Variants in WDR19 observed in about 807,000 individuals in gnomAD.
WDR19 encodes the protein WD repeat-containing protein 19.
A neutral mutation model predicts 180.0 loss-of-function variants in WDR19; 121 were observed. That is an observed-to-expected ratio of 0.67 (90% CI 0.58 to 0.78). WDR19 has a LOEUF of 0.78. Among genes scored for constraint, WDR19 ranks in the 30% least tolerant of loss-of-function variants. WDR19 has a pLI of 0.00. For synonymous variants in WDR19, 497 were observed against 540.7 expected (o/e 0.92, Z 1.12); for missense variants, 1,450 against 1,640.7 (o/e 0.88, Z 2.01).
rs539697450 is a variant in WDR19 at position 39,228,326 on chromosome 4, C to A, written c.1746C>A (p.Tyr582Ter). The A allele has an allele frequency of 6.2e-7, 1 of 1,612,052 alleles. No individual in the cohort carries two copies. Among genetic ancestry groups the A allele is most frequent in the South Asian group, 1.1e-5 (1 of 90,944 alleles). The stretch of plus-strand genomic sequence containing the variant: ...TTGCTTATGATGATGATAAGGTGTA[C>A]ACTTATGTCTTTCACAAGGACACTA... Reference protein sequence around the residue: ...VFIAYDDDKVYTYVFHKDTIQ... With the variant: ...VFIAYDDDKV Residue 582 changes from tyrosine (Y) to a stop codon, truncating the protein, a stop_gained, in exon 16 of 37, where the codon TAC becomes TAA. Coordinates refer to ENST00000399820, the MANE Select transcript of WDR19 (RefSeq NM_025132.4). LOFTEE classifies it high-confidence loss of function.
intron 8 of WDR19, 57 bp downstream of exon 8, chr4:39,205,323 GT>G: frequency 1.4e-6 from 2 of 1,398,022 alleles, no homozygotes; most frequent in Admixed American, 2.1e-5. Context: ...ACATCTGTAG[GT>G]TTTTCCTTAC....
intron 27 of WDR19, among the ~76,000 whole-genome samples, chr4:39,257,150 C>G (rs764868328): frequency 6.6e-6 from 1 of 152,060 alleles, no homozygotes; most frequent in Non-Finnish European, 1.5e-5. Flanking sequence ...TGGGATCTAG[C>G]GAAGTCCCAC....
chr4:39,276,840 T>C (rs2109520928), intron 33 of WDR19, 180 bp from the exon 34 acceptor site: 1 of 694,942 alleles, frequency 1.4e-6, no homozygotes. Context: ...CTAGGTACTC[T>C]TCCTCCTCCC....
chr4:39,249,576 A>T (rs989752431), intron 24 of WDR19, among the ~76,000 whole-genome samples: 3 of 152,240 alleles, frequency 2.0e-5, no homozygotes, highest in Non-Finnish European at 2.9e-5. Context: ...TGAAAAGATC[A>T]ACAAAATTGA....
chr4:39,272,336 C>T (rs143440955), intron 31 of WDR19, among the ~76,000 whole-genome samples: 1 of 152,278 alleles, frequency 6.6e-6, no homozygotes, highest in African/African-American at 2.4e-5. Context: ...TTTTCTCTGG[C>T]CCCAAGGGTT....
chr4:39,191,972 A>G (rs966824567), intron 4 of WDR19, among the ~76,000 whole-genome samples: 2 of 152,190 alleles, frequency 1.3e-5, no homozygotes, highest in African/African-American at 4.8e-5. Context: ...CTTTAGTATC[A>G]TATTGTAATT....
intron 3 of WDR19, among the ~76,000 whole-genome samples, chr4:39,188,807 G>GACACAGAGA (rs1725846361): frequency 6.6e-6 from 1 of 152,010 alleles, no homozygotes; most frequent in Non-Finnish European, 1.5e-5. Flanking sequence ...CTGGAGTACA[G>GACACAGAGA]TGACACAAAC....
chr4:39,204,075 C>T (rs1727652931), intron 7 of WDR19, among the ~76,000 whole-genome samples: 1 of 149,278 alleles, frequency 6.7e-6, no homozygotes. Context: ...AAGTTGTAGG[C>T]TTGTTTTTTT....
intron 9 of WDR19, among the ~76,000 whole-genome samples, chr4:39,209,113 G>A (rs1274849893): frequency 6.6e-6 from 1 of 152,134 alleles, no homozygotes; most frequent in East Asian, 1.9e-4. Flanking sequence ...CCTGGCTCAT[G>A]AAACAAACTT....
In WDR19 at chr4:39,244,290, A is replaced by T. The variant is rs138364911; in HGVS notation, c.2464A>T (p.Ile822Leu). 6.2e-7 allele frequency: 1 copy of T among 1,613,926 alleles called. No homozygotes were observed. Residue 822 changes from isoleucine to leucine, a missense_variant, in exon 22 of 37, where the codon ATA (isoleucine) becomes TTA (leucine). By Grantham distance (5) the Ile-to-Leu change is conservative. Coordinates refer to ENST00000399820, the MANE Select transcript of WDR19 (RefSeq NM_025132.4). ...TCTGGCTGGAGTGGCCCAGATGTCC[A>T]TAAGAATGGGAGACATACGTCGAGG... ...ACLAGVAQMS[I>L]RMGDIRRGVN...
chr4:39,269,790 C>T (rs1735165566), intron 30 of WDR19, among the ~76,000 whole-genome samples, 186 bp from the exon 31 acceptor site: 2 of 152,116 alleles, frequency 1.3e-5, no homozygotes, highest in South Asian at 2.1e-4. Flanking sequence ...GGTGACAGAG[C>T]GAGACCCTAT....
At chr4:39,246,992 T>G (rs1577982610) in intron 24 of WDR19, among the ~76,000 whole-genome samples, 1 of 152,302 alleles carries the variant, frequency 6.6e-6, no homozygotes, top group East Asian at 1.9e-4. Flanking sequence ...GTCTGACAGC[T>G]TTGAAGAGAG....
At chr4:39,200,358 A>AT (rs1727245540) in intron 6 of WDR19, among the ~76,000 whole-genome samples, 1 of 152,200 alleles carries the variant, frequency 6.6e-6, no homozygotes, top group African/African-American at 2.4e-5. Context: ...TGGATGAGGA[A>AT]TTTAGATGCA....
Position 39,224,999 on chromosome 4 carries a change from T to G in WDR19, c.1595T>G (p.Ile532Ser), listed in dbSNP as rs749672769. 8.3e-6 allele frequency: 13 copies of G among 1,567,892 alleles called. No individual in the cohort carries two copies. The South Asian group carries it at 1.3e-4, about 16-fold the overall frequency. ...CCAAATGGGACCAGATTAGTTTTCA[T>G]TGATGAAAAAAGTGATGGATTTGTT... ...PDPNGTRLVF[I>S]DEKSDGFVYC... Residue 532 changes from isoleucine to serine, a missense_variant, in exon 15 of 37, where the codon ATT becomes AGT. By Grantham distance (142) the Ile-to-Ser change is moderately radical (BLOSUM62 -2). Coordinates refer to ENST00000399820, the MANE Select transcript of WDR19 (RefSeq NM_025132.4).
rs2109367377 is a variant in WDR19 at position 39,231,964 on chromosome 4, G to C, written c.2142+8G>C. ...TCCTTGGAACAAATAAAGGTAAACA[G>C]CATGTTATAGAATTATCAAGTTAAA... On this transcript the variant is annotated splice_region_variant and intron_variant, in intron 18 of 36. Coordinates refer to ENST00000399820, the MANE Select transcript of WDR19 (RefSeq NM_025132.4). 6.2e-7 allele frequency: 1 copy of C among 1,607,664 alleles called. No individual in the cohort carries two copies. The highest frequency in any genetic ancestry group is 8.5e-7 in the Non-Finnish European group (1 of 1,174,996).
intron 9 of WDR19, among the ~76,000 whole-genome samples, chr4:39,211,477 T>C (rs534194195): frequency 6.6e-6 from 1 of 152,256 alleles, no homozygotes; most frequent in South Asian, 2.1e-4. Context: ...AAGCAACTCC[T>C]GGAACTAAAA....
chr4:39,224,892 C>A lies in WDR19; in HGVS notation c.1488C>A (p.Val496=), dbSNP rs868438531. The A allele has an allele frequency of 2.7e-6, 4 of 1,482,756 alleles. No individual in the cohort carries two copies. Among genetic ancestry groups the A allele is most frequent in the Admixed American group, 2.4e-5 (1 of 41,018 alleles). The allele number at this position is 1,482,756 out of a possible 1,614,324, so 91.8% of individuals were successfully genotyped here. A position where few individuals can be genotyped will look rare whatever the true frequency, so the allele number is the denominator to read the frequency against. The change falls in exon 15 of 37, where the codon GTC becomes GTA. Residue 496 remains valine, a synonymous_variant. Transcript: ENST00000399820. ...DFLIYGTDTG[V]VQYFYIEDWQ... is the part of the protein sequence containing the mutation. ...TTTTTTTTTTTTTTTAGACTGGTGTCGTTCAGTATTTCTACATTGAAGACT... is the reference window on the plus strand; with the variant it reads ...TTTTTTTTTTTTTTTAGACTGGTGTAGTTCAGTATTTCTACATTGAAGACT...
rs148251851 is a variant in WDR19 at position 39,261,612 on chromosome 4, A to G, written c.3183+4058A>G. On this transcript the variant is annotated intron_variant, in intron 28 of 36. Coordinates refer to ENST00000399820, the MANE Select transcript of WDR19 (RefSeq NM_025132.4). ...AATTGGGTCAAATTCCCACCACTAG[A>G]CAAAGTTCAGTAGCCATGGAGATGG... 3.9e-3 allele frequency among the ~76,000 whole-genome samples: 592 copies of G among 152,332 alleles called. 1 individual carries two copies. The highest frequency in any genetic ancestry group is 0.013 in the African/African-American group (558 of 41,572).
intron 26 of WDR19, among the ~76,000 whole-genome samples, chr4:39,254,711 AC>A (rs1220826795): frequency 6.6e-6 from 1 of 152,140 alleles, no homozygotes; most frequent in Non-Finnish European, 1.5e-5. Flanking sequence ...TGCGGCCATC[AC>A]CACTGTCCAT....
Sources: gnomAD v4.1 joint callset for allele counts (sites outside exome capture counted in the v4.1 genomes callset) on GRCh38, gnomAD v4.1.1 for gene constraint, MANE v1.5 for transcripts, NCBI Gene and HGNC (gene_info 2026-07-23, HGNC 2026-07-21) for gene names.